Variants in PSG3 observed in about 807,000 individuals in gnomAD.
The protein encoded by PSG3 is pregnancy-specific beta-1-glycoprotein 3.
Under a neutral mutation model 47.5 loss-of-function variants are expected in PSG3, and 61 were observed. That is an observed-to-expected ratio of 1.28 (90% CI 1.05 to 1.59). The LOEUF (loss-of-function observed/expected upper bound fraction) is 1.59. Ranked by LOEUF, PSG3 falls within the 40% of genes most tolerant of loss-of-function variation. PSG3 has a pLI of 0.00. For synonymous variants in PSG3, 263 were observed against 198.4 expected (o/e 1.33, Z -2.74); for missense variants, 756 against 524.0 (o/e 1.44, Z -4.32).
In PSG3 at chr19:42,738,220, T is replaced by C. The variant is rs533623042; in HGVS notation, c.430+504A>G. The stretch of plus-strand genomic sequence containing the variant: ...TGGTGAACAGCTCCAGGAGACACAG[T>C]CCTCTGACAGCTGGTAAATCCTTGG... On this transcript the variant is annotated intron_variant, in intron 2 of 6. Transcript: ENST00000327495. 1.1e-3 allele frequency among the ~76,000 whole-genome samples: 164 copies of C among 152,324 alleles called. 2 individuals carry two copies. The highest frequency in any genetic ancestry group is 3.9e-3 in the African/African-American group (161 of 41,576).
intron 6 of PSG3, among the ~76,000 whole-genome samples, chr19:42,722,909 C>G (rs369680991): frequency 1.8e-4 from 27 of 152,206 alleles, no homozygotes; most frequent in South Asian, 6.2e-4. Flanking sequence ...GCCTGGGTCC[C>G]TCTCCAGACC....
intron 4 of PSG3, 78 bp from the exon 5 acceptor site, chr19:42,729,455 T>C: frequency 6.5e-7 from 1 of 1,548,472 alleles, no homozygotes; most frequent in South Asian, 1.3e-5. Context: ...AGGGACACAG[T>C]GACCCTCTGA....
intron 5 of PSG3, among the ~76,000 whole-genome samples, chr19:42,727,235 A>T (rs1195054197): frequency 1.3e-5 from 2 of 152,246 alleles, no homozygotes; most frequent in Non-Finnish European, 2.9e-5. Context: ...CAACAAAAGC[A>T]TAGGCAACAA....
In PSG3 at chr19:42,738,816, G is replaced by A. The variant is rs200076373; in HGVS notation, c.338C>T (p.Thr113Ile). The A allele has an allele frequency of 1.2e-5, 19 of 1,613,984 alleles. No individual in the cohort carries two copies. The highest frequency in any genetic ancestry group is 5.5e-5 in the South Asian group (5 of 91,086). The change falls in exon 2 of 7, where the codon ACC becomes ATC. Residue 113 changes from threonine (T) to isoleucine (I), a missense_variant. Thr to Ile is a moderately conservative substitution (Grantham distance 89). Transcript: ENST00000327495. ...GGTGTAGGATCCTGCGTCCTCCCGGGTGACATTCTGGATCAGCAGGGATGC... is the reference window on the plus strand; with the variant it reads ...GGTGTAGGATCCTGCGTCCTCCCGGATGACATTCTGGATCAGCAGGGATGC... ...SNASLLIQNV[T>I]REDAGSYTLH...
In PSG3 at chr19:42,729,274, A is replaced by G. The variant is rs201802772; in HGVS notation, c.1092T>C (p.Tyr364=). ...CFADSNPPAE[Y]SWTINGKFQL... is the part of the protein sequence containing the mutation. ...GAAACTTCCCATTAATTGTCCAAGAATATTCTGCTGGTGGGTTAGAGTCCG... is the reference window on the plus strand; with the variant it reads ...GAAACTTCCCATTAATTGTCCAAGAGTATTCTGCTGGTGGGTTAGAGTCCG... The change falls in exon 5 of 7, where the codon TAT becomes TAC. Residue 364 remains tyrosine (Y), a synonymous_variant. Coordinates refer to ENST00000327495, the MANE Select transcript of PSG3 (RefSeq NM_021016.4). The G allele has an allele frequency of 1.9e-6, 3 of 1,614,106 alleles. No individual in the cohort carries two copies. The highest frequency in any genetic ancestry group is 2.2e-5 in the East Asian group (1 of 44,884).
At position 42,732,938 on chromosome 19, in the gene PSG3, C is replaced by G; in HGVS notation, c.555G>C (p.Gln185His). The G allele has an allele frequency of 6.2e-6, 10 of 1,614,144 alleles. No homozygotes were observed. Among genetic ancestry groups the G allele is most frequent in the Non-Finnish European group, 8.5e-6 (10 of 1,180,018 alleles). The change falls in exon 3 of 7, where the codon CAG (glutamine) becomes CAC (histidine). Residue 185 changes from glutamine to histidine, a missense_variant. Physicochemically the swap from Gln to His is conservative, Grantham distance 24. Transcript: ENST00000327495. ...DASYLWWMNG[Q>H]SLPMTHSLQL... ...GCAAGCTGTGAGTCATAGGGAGGCT[C>G]TGACCATTCATCCACCACAGGTAGC... is the stretch of plus-strand genomic sequence containing the variant.
Position 42,739,036 on chromosome 19 carries a change from C to A in PSG3, c.118G>T (p.Ala40Ser), listed in dbSNP as rs367701939. 6.2e-7 allele frequency: 1 copy of A among 1,613,522 alleles called. No individual in the cohort carries two copies. The highest frequency in any genetic ancestry group is 8.5e-7 in the Non-Finnish European group (1 of 1,179,588). ...LPTTAQVTIE[A>S]EPTKVSKGKD... ...CCCTTGGAAACTTTGGTTGGCTCGG[C>A]TTCAATCGTGACTTGGGCAGTGGTA... is the stretch of plus-strand genomic sequence containing the variant. Residue 40 changes from alanine to serine, a missense_variant, in exon 2 of 7, where the codon GCC becomes TCC. Physicochemically the swap from Ala to Ser is moderately conservative, Grantham distance 99. Coordinates refer to ENST00000327495, the MANE Select transcript of PSG3 (RefSeq NM_021016.4).
At chr19:42,733,949 T>C (rs1428815289) in intron 2 of PSG3, 4 of 152,154 alleles carry the variant, frequency 2.6e-5, no homozygotes, top group Non-Finnish European at 4.4e-5. Flanking sequence ...CATATGTGTT[T>C]GGTGGATATT....
chr19:42,724,047 A>G, intron 5 of PSG3, 22 bp from the exon 6 acceptor site: 1 of 1,603,046 alleles, frequency 6.2e-7, no homozygotes, highest in Non-Finnish European at 8.5e-7. Context: ...AAAAAAGAAA[A>G]GAAGGAATGA....
chr19:42,734,410 G>T (rs1201809857), intron 2 of PSG3, among the ~76,000 whole-genome samples: 1 of 152,168 alleles, frequency 6.6e-6, no homozygotes, highest in Non-Finnish European at 1.5e-5. Flanking sequence ...ATTTCAGATT[G>T]TGGATTTCTG....
At chr19:42,733,306 C>G in intron 2 of PSG3, 1 of 812,756 alleles carries the variant, frequency 1.2e-6, no homozygotes, top group Non-Finnish European at 1.8e-6. Context: ...AGCATTGGGT[C>G]ACGGAAAGAC....
At chr19:42,730,136 T>C in intron 3 of PSG3, 80 bp from the exon 4 acceptor site, 1 of 1,579,380 alleles carries the variant, frequency 6.3e-7, no homozygotes, top group South Asian at 1.2e-5. Context: ...AGAGTTGGCA[T>C]CTCCCACCTC....
intron 5 of PSG3, 149 bp downstream of exon 5, chr19:42,728,974 C>G: frequency 6.4e-7 from 1 of 1,554,466 alleles, no homozygotes. Flanking sequence ...TCTGTAGAGA[C>G]AAATTGGGAG....
At chr19:42,722,712 G>T (rs1177981819) in intron 6 of PSG3, among the ~76,000 whole-genome samples, 1 of 151,996 alleles carries the variant, frequency 6.6e-6, no homozygotes, top group African/African-American at 2.4e-5. Context: ...CTGAGTTCTT[G>T]GTGTAGCCCA....
Position 42,733,025 on chromosome 19 carries a change from T to C in PSG3, c.468A>G (p.Leu156=). 1 of 1,614,154 alleles carries C rather than the reference T, an allele frequency of 6.2e-7. No individual in the cohort carries two copies. Among genetic ancestry groups the C allele is most frequent in the Non-Finnish European group, 8.5e-7 (1 of 1,180,020 alleles). ...TPKPSISSSN[L]YPREDMEAVS... ...CAGCCTCCATGTCCTCCCTGGGGTA[T>C]AAGTTGCTGCTGGAGATGGAGGGCT... Residue 156 remains leucine, a synonymous_variant, in exon 3 of 7, where the codon TTA becomes TTG. Coordinates refer to ENST00000327495, the MANE Select transcript of PSG3 (RefSeq NM_021016.4).
intron 1 of PSG3, chr19:42,739,304 C>T: frequency 3.5e-6 from 3 of 847,464 alleles, no homozygotes; most frequent in Non-Finnish European, 5.2e-6. Context: ...GACCCCCATT[C>T]CTTCAACACT....
At position 42,739,213 on chromosome 19, in the gene PSG3, C is replaced by A. The variant is rs553084502; in HGVS notation, c.65-124G>T. 27 of 1,347,778 alleles carry A rather than the reference C, an allele frequency of 2.0e-5. 2 individuals carry two copies. The South Asian group carries it at 3.0e-4, about 15-fold the overall frequency. 83.5% of individuals were successfully genotyped at this position (1,347,778 alleles called of 1,614,324 possible). A position where few individuals can be genotyped will look rare whatever the true frequency, so the allele number is the denominator to read the frequency against. On this transcript the variant is annotated intron_variant, in intron 1 of 6. Transcript: ENST00000327495. ...TTGAAGAGACACACACACACACATA[C>A]AAACACACACACACACACAAAAGGG...
At position 42,729,272 on chromosome 19, in the gene PSG3, G is replaced by T. The variant is rs777497444; in HGVS notation, c.1094C>A (p.Ser365Tyr). Residue 365 changes from serine (S) to tyrosine (Y), a missense_variant, in exon 5 of 7, where the codon TCT becomes TAT. Transcript: ENST00000327495. Reference sequence around the variant, plus strand: ...CTGAAACTTCCCATTAATTGTCCAAGAATATTCTGCTGGTGGGTTAGAGTC... The same window carrying T: ...CTGAAACTTCCCATTAATTGTCCAATAATATTCTGCTGGTGGGTTAGAGTC... ...FADSNPPAEY[S>Y]WTINGKFQLS... 2 of 1,614,124 alleles carry T rather than the reference G, an allele frequency of 1.2e-6. No individual in the cohort carries two copies. Among genetic ancestry groups the T allele is most frequent in the Non-Finnish European group, 1.7e-6 (2 of 1,179,960 alleles).
chr19:42,739,171 C>T, intron 1 of PSG3, 82 bp from the exon 2 acceptor site: 3 of 1,470,890 alleles, frequency 2.0e-6, no homozygotes, highest in Non-Finnish European at 2.8e-6. Context: ...CTGAGAAGGT[C>T]TCTTCAATCC....
Sources: gnomAD v4.1 joint callset for allele counts (sites outside exome capture counted in the v4.1 genomes callset) on GRCh38, gnomAD v4.1.1 for gene constraint, MANE v1.5 for transcripts, NCBI Gene and HGNC (gene_info 2026-07-23, HGNC 2026-07-21) for gene names.